Variants in MACROD2 observed in about 807,000 individuals in gnomAD.
MACROD2 encodes mono-ADP ribosylhydrolase 2.
Under a neutral mutation model 70.4 loss-of-function variants are expected in MACROD2, and 36 were observed. The observed-to-expected ratio is 0.51, with a 90% CI of 0.39 to 0.68. MACROD2 has a LOEUF of 0.68. MACROD2 is among the 30% of genes least tolerant of loss of function. The pLI is 0.00. For synonymous variants in MACROD2, 172 were observed against 178.8 expected, an observed-to-expected ratio of 0.96 and a Z score of 0.30; for missense variants, 496 against 538.4, an observed-to-expected ratio of 0.92 and a Z score of 0.78.
At chr20:15,885,719 C>A in intron 9 of MACROD2, 45 bp from the exon 10 acceptor site, 2 of 1,410,018 alleles carry the variant, frequency 1.4e-6, no homozygotes, top group South Asian at 1.5e-5. Context: ...TTGTGTTTCC[C>A]ACTTTCATAT....
At chr20:14,214,200 T>C (rs1254054678) in intron 3 of MACROD2, among the ~76,000 whole-genome samples, 2 of 152,186 alleles carry the variant, frequency 1.3e-5, no homozygotes, top group Non-Finnish European at 2.9e-5. Context: ...CTTTGAGAAA[T>C]TGCTGAGTCA....
At chr20:15,643,200 C>T (rs1468914697) in intron 8 of MACROD2, among the ~76,000 whole-genome samples, 1 of 152,174 alleles carries the variant, frequency 6.6e-6, no homozygotes, top group African/African-American at 2.4e-5. Context: ...GACCTGCTTA[C>T]ATGTTAATCT....
intron 6 of MACROD2, among the ~76,000 whole-genome samples, chr20:15,403,513 C>T (rs1164720991): frequency 6.6e-6 from 1 of 152,092 alleles, no homozygotes; most frequent in Non-Finnish European, 1.5e-5. Flanking sequence ...GTAATACCCA[C>T]TTTTACTTCT....
chr20:15,404,957 A>C (rs2045979188), intron 6 of MACROD2, among the ~76,000 whole-genome samples: 1 of 152,226 alleles, frequency 6.6e-6, no homozygotes, highest in Non-Finnish European at 1.5e-5. Context: ...TCAGTCATAA[A>C]AATGAAGTAC....
intron 3 of MACROD2, among the ~76,000 whole-genome samples, chr20:14,194,820 G>C (rs1225867465): frequency 6.6e-6 from 1 of 152,114 alleles, no homozygotes; most frequent in Non-Finnish European, 1.5e-5. Context: ...ATGAAGAAAG[G>C]TCATTATTTA....
intron 5 of MACROD2, among the ~76,000 whole-genome samples, chr20:14,951,025 C>G (rs1048360830): frequency 6.6e-6 from 1 of 152,060 alleles, no homozygotes; most frequent in African/African-American, 2.4e-5. Context: ...ATGTAGAGAA[C>G]CAAGGCAGCC....
At chr20:14,694,395 C>T (rs1283913927) in intron 5 of MACROD2, among the ~76,000 whole-genome samples, 1 of 152,118 alleles carries the variant, frequency 6.6e-6, no homozygotes, top group Admixed American at 6.5e-5. Context: ...AGAGACAGTG[C>T]TAAGACTATA....
rs116297751 is a variant in MACROD2, at chr20:15,607,115, C to T, written c.645+107268C>T. The stretch of plus-strand genomic sequence containing the variant: ...AGAACTGCTTGAGGCCAGGAGTTCA[C>T]GATCAGCCTAGGCAACATAGCAAGA... On this transcript the variant is annotated intron_variant, in intron 8 of 17. Coordinates refer to ENST00000684519, the MANE Select transcript of MACROD2 (RefSeq NM_001351661.2). 7.8e-3 allele frequency among the ~76,000 whole-genome samples: 1,179 copies of T among 152,098 alleles called. 19 individuals are homozygous for T. The highest frequency in any genetic ancestry group is 0.026 in the African/African-American group (1,089 of 41,482).
At chr20:14,908,118 CG>C (rs1444916067) in intron 5 of MACROD2, among the ~76,000 whole-genome samples, 1 of 151,962 alleles carries the variant, frequency 6.6e-6, no homozygotes, top group Non-Finnish European at 1.5e-5. Context: ...CCGAGACAGG[CG>C]GATCACCCGA....
intron 2 of MACROD2, among the ~76,000 whole-genome samples, chr20:14,058,873 A>G (rs1447035652): frequency 6.6e-6 from 1 of 151,924 alleles, no homozygotes; most frequent in Admixed American, 6.6e-5. Context: ...CGATCTCTTG[A>G]CCTCATGATC....
At chr20:15,048,517 A>G (rs1202885779) in intron 5 of MACROD2, among the ~76,000 whole-genome samples, 2 of 152,106 alleles carry the variant, frequency 1.3e-5, no homozygotes, top group African/African-American at 4.8e-5. Context: ...GGTTATTATA[A>G]AGACCAGATT....
intron 2 of MACROD2, among the ~76,000 whole-genome samples, chr20:14,038,471 C>T (rs996223333): frequency 3.3e-5 from 5 of 152,114 alleles, no homozygotes; most frequent in African/African-American, 1.2e-4. Flanking sequence ...GAGAACTTGC[C>T]CAACGTCATA....
At chr20:15,670,882 G>A (rs957413711) in intron 8 of MACROD2, among the ~76,000 whole-genome samples, 15 of 152,206 alleles carry the variant, frequency 9.9e-5, no homozygotes, top group Non-Finnish European at 2.1e-4. Flanking sequence ...CTTTGAAATA[G>A]TCACATGATC....
rs191452677 is a variant in MACROD2 at position 14,564,140 on chromosome 20, G to A, written c.301+70632G>A. ...ATGGTGCTGGGAGAATTGGAGAACCGTATGCAGAAGAATGAAACTGGACCC... is the reference window on the plus strand; with the variant it reads ...ATGGTGCTGGGAGAATTGGAGAACCATATGCAGAAGAATGAAACTGGACCC... On this transcript the variant is annotated intron_variant, in intron 4 of 17. Transcript: ENST00000684519. Among the ~76,000 whole-genome samples, 25 of 151,940 alleles carry A rather than the reference G, an allele frequency of 1.6e-4. No individual in the cohort carries two copies. In the East Asian group the frequency reaches 3.7e-3, roughly 22 times the overall value.
intron 5 of MACROD2, among the ~76,000 whole-genome samples, chr20:15,048,629 C>T (rs1256329465): frequency 1.3e-5 from 2 of 151,998 alleles, no homozygotes; most frequent in Admixed American, 6.6e-5. Context: ...CAGTAATGAA[C>T]TATAGAAACG....
chr20:15,559,967 A>G (rs895988227), intron 8 of MACROD2, among the ~76,000 whole-genome samples: 2 of 152,222 alleles, frequency 1.3e-5, no homozygotes, highest in Non-Finnish European at 2.9e-5. Context: ...TTTGGAAGTT[A>G]GAGAGTTATG....
At chr20:14,793,193 G>A (rs776720393) in intron 5 of MACROD2, among the ~76,000 whole-genome samples, 5 of 152,168 alleles carry the variant, frequency 3.3e-5, no homozygotes, top group African/African-American at 4.8e-5. Flanking sequence ...GTGTGTGTGT[G>A]TGTGTAAAGT....
chr20:14,862,015 ATATT>A (rs1176974716), intron 5 of MACROD2, among the ~76,000 whole-genome samples: 22 of 24,006 alleles, frequency 9.2e-4, no homozygotes, highest in African/African-American at 4.1e-3. Context: ...TTATATATAT[ATATT>A]TATATATATT....
At chr20:15,820,084 G>A (rs1189247231) in intron 8 of MACROD2, among the ~76,000 whole-genome samples, 1 of 151,906 alleles carries the variant, frequency 6.6e-6, no homozygotes, top group East Asian at 1.9e-4. Context: ...ACTATACCAT[G>A]CTCTATATCC....
Sources: gnomAD v4.1 joint callset for allele counts (sites outside exome capture counted in the v4.1 genomes callset) on GRCh38, gnomAD v4.1.1 for gene constraint, MANE v1.5 for transcripts, NCBI Gene and HGNC (gene_info 2026-07-23, HGNC 2026-07-21) for gene names.